Variants in PHF1 observed in about 807,000 individuals in gnomAD.
The protein encoded by PHF1 is polycomb-like 1.
Under a neutral mutation model 69.4 loss-of-function variants are expected in PHF1, and 16 were observed. That is an observed-to-expected ratio of 0.23 (90% CI 0.16 to 0.35). PHF1 has a LOEUF of 0.35. Ranked by LOEUF, PHF1 falls within the 10% of genes least tolerant of loss-of-function variation. The probability of loss-of-function intolerance (pLI) is 1.00; values close to 1 mark genes in which losing one functional copy is unlikely to be tolerated. For synonymous variants in PHF1, 274 were observed against 275.0 expected, an observed-to-expected ratio of 1.00 and a Z score of 0.04; for missense variants, 515 against 732.8, an observed-to-expected ratio of 0.70 and a Z score of 3.43.
In PHF1 at chr6:33,415,668, C is replaced by G; in HGVS notation, c.1413C>G (p.Asp471Glu). 2.5e-6 allele frequency: 4 copies of G among 1,613,868 alleles called. No individual in the cohort carries two copies. Among genetic ancestry groups the G allele is most frequent in the Non-Finnish European group, 3.4e-6 (4 of 1,179,758 alleles). ...CCTCTGGGGACAGTGGACCCCCAGA[C>G]AGGTGAGATTCTGTCTTCTATTACC... ...AGTSGDSGPP[D>E]RSPLELHIGF... The change falls in exon 14 of 15, where the codon GAC becomes GAG. Residue 471 changes from aspartate to glutamate, a missense_variant and splice_region_variant. This residue lies in a region of PHF1 where 274 missense variants were observed against 304.5 expected (regional missense o/e 0.90). Coordinates refer to ENST00000374516, the MANE Select transcript of PHF1 (RefSeq NM_024165.3).
intron 6 of PHF1, 35 bp from the exon 7 acceptor site, chr6:33,413,701 T>C: frequency 4.4e-6 from 7 of 1,605,108 alleles, no homozygotes; most frequent in Non-Finnish European, 5.1e-6. Context: ...GGGAAGGGGG[T>C]TTCTGGAGGC....
At position 33,415,302 on chromosome 6, in the gene PHF1, G is replaced by A. The variant is rs1315130896; in HGVS notation, c.1307G>A (p.Arg436Gln). 37 of 1,613,304 alleles carry A rather than the reference G, an allele frequency of 2.3e-5. No homozygotes were observed. The highest frequency in any genetic ancestry group is 2.9e-5 in the Non-Finnish European group (34 of 1,179,820). ...SYQGSSGYNF[R>Q]PTDARCLPSS... The stretch of plus-strand genomic sequence containing the variant: ...CAGGGCAGCAGCGGCTACAACTTCC[G>A]GCCCACAGATGCCCGCTGCCTGCCC... Residue 436 changes from arginine (R) to glutamine (Q), a missense_variant, in exon 13 of 15, where the codon CGG becomes CAG. This residue lies in a region of PHF1 where 274 missense variants were observed against 304.5 expected (regional missense o/e 0.90). Transcript: ENST00000374516.
chr6:33,412,998 C>T lies in PHF1; in HGVS notation c.338-198C>T. The T allele has an allele frequency of 1.5e-6, 1 of 680,394 alleles. No homozygotes were observed. The allele number at this position is 680,394 out of a possible 1,614,324, so 42.1% of individuals were successfully genotyped here. Reference sequence around the variant, plus strand: ...TTGCAGGCAGAAGATGGTTTAAATGCATCCTTTTCTAACCATATGACCTCG... The same window carrying T: ...TTGCAGGCAGAAGATGGTTTAAATGTATCCTTTTCTAACCATATGACCTCG... On this transcript the variant is annotated intron_variant, in intron 4 of 14. Transcript: ENST00000374516. This position sits in a 1 kb window ranked among gnomAD's most constrained non-coding sequence, Gnocchi z 4.2.
rs772916682 is a variant in PHF1, at chr6:33,412,250, C to G, written c.-14C>G. 2 of 1,602,722 alleles carry G rather than the reference C, an allele frequency of 1.2e-6. No individual in the cohort carries two copies. The highest frequency in any genetic ancestry group is 1.1e-5 in the South Asian group (1 of 90,820). On this transcript the variant is annotated splice_region_variant and 5_prime_UTR_variant, in exon 2 of 15. Coordinates refer to ENST00000374516, the MANE Select transcript of PHF1 (RefSeq NM_024165.3). This position sits in a 1 kb window ranked among gnomAD's most constrained non-coding sequence, Gnocchi z 4.2. Reference sequence around the variant, plus strand: ...CTCCCCATTTCTTTTCTGGCTAGGCCCCCCCAGGATGCAATGGCGCAGCCC... The same window carrying G: ...CTCCCCATTTCTTTTCTGGCTAGGCGCCCCCAGGATGCAATGGCGCAGCCC...
chr6:33,414,290 A>G lies in PHF1; in HGVS notation c.800A>G (p.Lys267Arg). Reference sequence around the variant, plus strand: ...CTGTATCACCTCAGTGTTTGCTGTAAGAAGAAATACTTTGATTTTGATCGT... The same window carrying G: ...CTGTATCACCTCAGTGTTTGCTGTAGGAAGAAATACTTTGATTTTGATCGT... ...LVLYHLSVCC[K>R]KKYFDFDREI... Residue 267 changes from lysine (K) to arginine (R), a missense_variant, in exon 9 of 15, where the codon AAG becomes AGG. Lys to Arg is a conservative substitution (Grantham distance 26). Around this residue, in one of 5 missense-constraint regions of PHF1, gnomAD observed 142 missense variants for 309.7 expected, o/e 0.46. Coordinates refer to ENST00000374516, the MANE Select transcript of PHF1 (RefSeq NM_024165.3). This position sits in a 1 kb window ranked among gnomAD's most constrained non-coding sequence, Gnocchi z 5.0. 6.2e-7 allele frequency: 1 copy of G among 1,614,126 alleles called. No individual in the cohort carries two copies. The highest frequency in any genetic ancestry group is 1.1e-5 in the South Asian group (1 of 91,082).
chr6:33,414,169 GCC>G lies in PHF1; in HGVS notation c.752+63_752+64del. The stretch of plus-strand genomic sequence containing the variant: ...CACACCACAGTATTTCACTCTATAT[GCC>G]CCAACCTCCCACCTCAGGACTCCCC... On this transcript the variant is annotated intron_variant, in intron 8 of 14. Coordinates refer to ENST00000374516, the MANE Select transcript of PHF1 (RefSeq NM_024165.3). The surrounding 1 kb of genome is among the most constrained non-coding windows in gnomAD (Gnocchi z 5.0). The G allele has an allele frequency of 6.2e-7, 1 of 1,613,628 alleles. No individual in the cohort carries two copies. Among genetic ancestry groups the G allele is most frequent in the East Asian group, 2.2e-5 (1 of 44,872 alleles).
chr6:33,413,341 C>G (rs779304979), intron 5 of PHF1, 45 bp downstream of exon 5: 65 of 1,610,746 alleles, frequency 4.0e-5, no homozygotes, highest in Non-Finnish European at 5.2e-5. Flanking sequence ...GCCTCCCATC[C>G]ACAGCCTCTC....
chr6:33,415,578 C>T lies in PHF1; in HGVS notation c.1335-12C>T. ...CTGCTTCAGGTCCTGACTTTCCCCA[C>T]TCCAACCCCAGCAGCCCCATCCGGA... is the stretch of plus-strand genomic sequence containing the variant. On this transcript the variant is annotated splice_polypyrimidine_tract_variant and intron_variant, in intron 13 of 14. Transcript: ENST00000374516. The T allele has an allele frequency of 6.2e-7, 1 of 1,613,888 alleles. No homozygotes were observed. Among genetic ancestry groups the T allele is most frequent in the Non-Finnish European group, 8.5e-7 (1 of 1,179,860 alleles).
chr6:33,413,456 T>A lies in PHF1; in HGVS notation c.486T>A (p.Gly162=). 6.2e-7 allele frequency: 1 copy of A among 1,614,066 alleles called. No individual in the cohort carries two copies. Among genetic ancestry groups the A allele is most frequent in the Non-Finnish European group, 8.5e-7 (1 of 1,180,012 alleles). Residue 162 remains glycine, a synonymous_variant, in exon 6 of 15, where the codon GGT becomes GGA. Transcript: ENST00000374516. ...GCCCCTATGCCCGGGCCATGCTGGGTATGAAGCTTTCTCTGCCATATGGAC... is the reference window on the plus strand; with the variant it reads ...GCCCCTATGCCCGGGCCATGCTGGGAATGAAGCTTTCTCTGCCATATGGAC... The part of the protein sequence containing the change: ...KKGPYARAML[G]MKLSLPYGLK...
chr6:33,415,683 C>T lies in PHF1; in HGVS notation c.1415+13C>T. ...GACCCCCAGACAGGTGAGATTCTGTCTTCTATTACCAGTGATGCTCTTCTT... is the reference window on the plus strand; with the variant it reads ...GACCCCCAGACAGGTGAGATTCTGTTTTCTATTACCAGTGATGCTCTTCTT... On this transcript the variant is annotated intron_variant, in intron 14 of 14. Coordinates refer to ENST00000374516, the MANE Select transcript of PHF1 (RefSeq NM_024165.3). 5 of 1,613,332 alleles carry T rather than the reference C, an allele frequency of 3.1e-6. No individual in the cohort carries two copies. The highest frequency in any genetic ancestry group is 4.2e-6 in the Non-Finnish European group (5 of 1,179,310).
rs761180131 is a variant in PHF1, at chr6:33,414,024, C to T, written c.684-17C>T. 3 of 1,613,938 alleles carry T rather than the reference C, an allele frequency of 1.9e-6. No homozygotes were observed. The highest frequency in any genetic ancestry group is 2.5e-6 in the Non-Finnish European group (3 of 1,180,004). On this transcript the variant is annotated splice_polypyrimidine_tract_variant and intron_variant, in intron 7 of 14. Transcript: ENST00000374516. The surrounding 1 kb of genome is among the most constrained non-coding windows in gnomAD (Gnocchi z 5.0). Reference sequence around the variant, plus strand: ...TTTCCTGTGTAAGTGTGTTTGCTCCCTCTTGCCCATGTCCAGGTTCTATGA... The same window carrying T: ...TTTCCTGTGTAAGTGTGTTTGCTCCTTCTTGCCCATGTCCAGGTTCTATGA...
rs1776326703 is a variant in PHF1 at position 33,414,876 on chromosome 6, T to TA, written c.1049+47_1049+48insA. 1.5e-6 allele frequency: 2 copies of TA among 1,361,148 alleles called. No homozygotes were observed. Among genetic ancestry groups the TA allele is most frequent in the Non-Finnish European group, 1.9e-6 (2 of 1,027,804 alleles). The allele number at this position is 1,361,148 out of a possible 1,614,324, so 84.3% of individuals were successfully genotyped here. A position where few individuals can be genotyped will look rare whatever the true frequency, so the allele number is the denominator to read the frequency against. On this transcript the variant is annotated intron_variant, in intron 11 of 14. Transcript: ENST00000374516. This position sits in a 1 kb window ranked among gnomAD's most constrained non-coding sequence, Gnocchi z 5.0. ...GGGGAAATTCTCAGGGTGTTAGTCC[T>TA]GGGGGGTATATGTATAGAGATGGGG... is the stretch of plus-strand genomic sequence containing the variant.
At chr6:33,411,824 TG>T (rs1776084478) in intron 1 of PHF1, among the ~76,000 whole-genome samples, 1 of 151,900 alleles carries the variant, frequency 6.6e-6, no homozygotes, top group African/African-American at 2.4e-5. Context: ...GATTTGGAGA[TG>T]GGGGCACAGA....
chr6:33,416,177 G>T lies in PHF1; in HGVS notation c.*79G>T. The T allele has an allele frequency of 7.9e-7, 1 of 1,264,028 alleles. No individual in the cohort carries two copies. Among genetic ancestry groups the T allele is most frequent in the Non-Finnish European group, 1.1e-6 (1 of 928,614 alleles). 78.3% of individuals were successfully genotyped at this position (1,264,028 alleles called of 1,614,324 possible). A position where few individuals can be genotyped will look rare whatever the true frequency, so the allele number is the denominator to read the frequency against. The stretch of plus-strand genomic sequence containing the variant: ...TGACCTCTGACCTCACCTACAGCTG[G>T]GATGTACCTGGAGAGATAGGGGGTA... On this transcript the variant is annotated 3_prime_UTR_variant, in exon 15 of 15. Transcript: ENST00000374516.
At chr6:33,413,995 C>T (rs2151108158) in intron 7 of PHF1, 46 bp from the exon 8 acceptor site, 1 of 1,610,176 alleles carries the variant, frequency 6.2e-7, no homozygotes, top group South Asian at 1.1e-5. Flanking sequence ...GGGGATGGCA[C>T]AGTTTTCCTG....
In PHF1 at chr6:33,414,465, C is replaced by A; in HGVS notation, c.877-12C>A. 2 of 1,613,948 alleles carry A rather than the reference C, an allele frequency of 1.2e-6. No individual in the cohort carries two copies. The highest frequency in any genetic ancestry group is 1.7e-6 in the Non-Finnish European group (2 of 1,179,906). On this transcript the variant is annotated splice_polypyrimidine_tract_variant and intron_variant, in intron 9 of 14. Coordinates refer to ENST00000374516, the MANE Select transcript of PHF1 (RefSeq NM_024165.3). This position sits in a 1 kb window ranked among gnomAD's most constrained non-coding sequence, Gnocchi z 5.0. ...CTGCTCCCCTGGCCCCATTTTTCTT[C>A]ATTTCTCCCAGCTTTCAGACACCCC...
rs144032908 is a variant in PHF1, at chr6:33,414,069, C to T, written c.712C>T (p.Arg238Cys). 23 of 1,613,940 alleles carry T rather than the reference C, an allele frequency of 1.4e-5. No homozygotes were observed. The highest frequency in any genetic ancestry group is 9.9e-5 in the South Asian group (9 of 91,078). The change falls in exon 8 of 15, where the codon CGC (arginine) becomes TGC (cysteine). Residue 238 changes from arginine to cysteine, a missense_variant. By Grantham distance (180) the Arg-to-Cys change is radical (BLOSUM62 -3). Coordinates refer to ENST00000374516, the MANE Select transcript of PHF1 (RefSeq NM_024165.3). This position sits in a 1 kb window ranked among gnomAD's most constrained non-coding sequence, Gnocchi z 5.0. ...CTATGAATTTGAATGCTGTGTGTGT[C>T]GCGGGGGCCCTGAGAAAGTCCGGAG... ...RFYEFECCVC[R>C]GGPEKVRRLQ... is the part of the protein sequence containing the mutation.
chr6:33,414,643 G>C lies in PHF1; in HGVS notation c.945-82G>C. On this transcript the variant is annotated intron_variant, in intron 10 of 14. Transcript: ENST00000374516. This position sits in a 1 kb window ranked among gnomAD's most constrained non-coding sequence, Gnocchi z 5.0. ...GCTTGCAACCCACCTGGAAGACTGT[G>C]ACTGAAAAGGATTGAGGAATGGCGT... is the stretch of plus-strand genomic sequence containing the variant. The C allele has an allele frequency of 3.5e-6, 5 of 1,431,656 alleles. No homozygotes were observed. Among genetic ancestry groups the C allele is most frequent in the Non-Finnish European group, 4.9e-6 (5 of 1,026,450 alleles). 88.7% of individuals were successfully genotyped at this position (1,431,656 alleles called of 1,614,324 possible).
In PHF1 at chr6:33,412,164, GAAAA is replaced by G. The variant is rs576149310; in HGVS notation, c.-16-71_-16-68del. The G allele has an allele frequency of 2.4e-4, 201 of 829,020 alleles. No individual in the cohort carries two copies. Among genetic ancestry groups the G allele is most frequent in the Non-Finnish European group, 2.9e-4 (160 of 557,180 alleles). 51.4% of individuals were successfully genotyped at this position (829,020 alleles called of 1,614,324 possible). A position where few individuals can be genotyped will look rare whatever the true frequency, so the allele number is the denominator to read the frequency against. ...GCGACAGAGCAAAACTCCATCTCAG[GAAAA>G]AAAAAAAAAAAAGAAAAAGAAAATG... On this transcript the variant is annotated intron_variant, in intron 1 of 14. Coordinates refer to ENST00000374516, the MANE Select transcript of PHF1 (RefSeq NM_024165.3). The surrounding 1 kb of genome is among the most constrained non-coding windows in gnomAD (Gnocchi z 4.2).
Sources: allele counts gnomAD v4.1 joint callset (sites outside exome capture counted in the v4.1 genomes callset), GRCh38; gene constraint gnomAD v4.1.1; regional missense constraint gnomAD v4.1.1; non-coding constraint Gnocchi (gnomAD v3.1); transcripts MANE v1.5; gene names NCBI Gene and HGNC (gene_info 2026-07-23, HGNC 2026-07-21).